The following GPHN variants were observed in gnomAD, a reference collection of about 807,000 sequenced individuals.
The protein encoded by GPHN is gephyrin.
Under a neutral mutation model 95.5 loss-of-function variants are expected in GPHN, and 17 were observed. The ratio of observed to expected loss-of-function variants is 0.18; its 90% CI spans 0.12 to 0.27. GPHN has a LOEUF of 0.27. GPHN is among the 10% of genes least tolerant of loss of function. The pLI is 1.00. For synonymous variants in GPHN, 320 were observed against 322.5 expected, an observed-to-expected ratio of 0.99 and a Z score of 0.08; for missense variants, 660 against 978.1, an observed-to-expected ratio of 0.67 and a Z score of 4.34.
At chr14:66,962,792 G>A (rs1331163632) in intron 8 of GPHN, among the ~76,000 whole-genome samples, 2 of 150,272 alleles carry the variant, frequency 1.3e-5, no homozygotes, top group Non-Finnish European at 3.0e-5. Flanking sequence ...CCATTGCCTT[G>A]ATACTCACCC....
chr14:66,641,070 C>A (rs1446486053), intron 1 of GPHN, among the ~76,000 whole-genome samples: 1 of 152,160 alleles, frequency 6.6e-6, no homozygotes, highest in Non-Finnish European at 1.5e-5. Flanking sequence ...ACTGTCCTAA[C>A]ACTGAAAGGC....
chr14:66,861,176 TA>T (rs1367267221), intron 4 of GPHN, among the ~76,000 whole-genome samples: 2 of 151,360 alleles, frequency 1.3e-5, no homozygotes, highest in Non-Finnish European at 3.0e-5. Context: ...AAACTGAAAA[TA>T]AAAAGATGGA....
At chr14:66,552,983 CTTTTCTTTTCTT>C (rs2059874531) in intron 1 of GPHN, among the ~76,000 whole-genome samples, 1 of 135,792 alleles carries the variant, frequency 7.4e-6, no homozygotes, top group African/African-American at 2.7e-5. Context: ...TTTCTTTTTT[CTTTTCTTTTCTT>C]TTTTCTTTTT....
chr14:67,071,752 A>G (rs2076320358), intron 11 of GPHN, among the ~76,000 whole-genome samples: 1 of 152,084 alleles, frequency 6.6e-6, no homozygotes, highest in Non-Finnish European at 1.5e-5. Flanking sequence ...TATGCATACC[A>G]TTATATATGT....
chr14:67,089,238 ATAACCATGT>A (rs1318684109), intron 12 of GPHN, among the ~76,000 whole-genome samples, 163 bp downstream of exon 12: 1 of 149,060 alleles, frequency 6.7e-6, no homozygotes, highest in Admixed American at 6.8e-5. Flanking sequence ...TCATTCACAG[ATAACCATGT>A]TAATCTGCAC....
chr14:67,492,879 A>T, the GPHN span, among the ~76,000 whole-genome samples: 1 of 152,260 alleles, frequency 6.6e-6, no homozygotes, highest in Non-Finnish European at 1.5e-5. Context: ...CTTGGAGCTC[A>T]CAGGCAGGTG....
At chr14:66,921,901 A>G (rs2066237252) in intron 6 of GPHN, among the ~76,000 whole-genome samples, 1 of 152,178 alleles carries the variant, frequency 6.6e-6, no homozygotes, top group African/African-American at 2.4e-5. Context: ...CCTAGAAATA[A>G]AATCAAAAAC....
the GPHN span, among the ~76,000 whole-genome samples, chr14:67,609,653 C>T: frequency 1.3e-5 from 2 of 152,156 alleles, no homozygotes; most frequent in African/African-American, 4.8e-5. Flanking sequence ...ACAAAACTCA[C>T]CTCCTTAACA....
chr14:67,284,586 A>AAC, the GPHN span, among the ~76,000 whole-genome samples: 16 of 140,502 alleles, frequency 1.1e-4, no homozygotes, highest in African/African-American at 3.5e-4. Context: ...AAAAAAAAAA[A>AAC]AAGGTTGTGC....
At chr14:67,493,326 A>G in the GPHN span, among the ~76,000 whole-genome samples, 1 of 152,156 alleles carries the variant, frequency 6.6e-6, no homozygotes, top group East Asian at 1.9e-4. Context: ...CTTTCCCGCC[A>G]AGTGCCCACC....
intron 18 of GPHN, among the ~76,000 whole-genome samples, chr14:67,148,006 A>G (rs555547085): frequency 6.6e-6 from 1 of 152,274 alleles, no homozygotes; most frequent in African/African-American, 2.4e-5. Flanking sequence ...ATTTTTTCCT[A>G]AATTTTGGTC....
chr14:66,713,642 A>G (rs2069882561), intron 2 of GPHN, among the ~76,000 whole-genome samples: 1 of 151,200 alleles, frequency 6.6e-6, no homozygotes, highest in Non-Finnish European at 1.5e-5. Context: ...TATGAATGTT[A>G]GAATTTTTTT....
intron 10 of GPHN, among the ~76,000 whole-genome samples, chr14:67,040,257 TAAC>T (rs1313367282): frequency 6.6e-6 from 1 of 152,106 alleles, no homozygotes; most frequent in Admixed American, 6.6e-5. Context: ...CCCCAAATGT[TAAC>T]ATTTTGTCAC....
the GPHN span, among the ~76,000 whole-genome samples, chr14:67,400,059 CTA>C: frequency 6.6e-6 from 1 of 152,144 alleles, no homozygotes; most frequent in African/African-American, 2.4e-5. Flanking sequence ...ATCTCTGGTG[CTA>C]TGATTCTATT....
chr14:66,825,647 A>G (rs2061361634), intron 4 of GPHN, among the ~76,000 whole-genome samples: 1 of 152,204 alleles, frequency 6.6e-6, no homozygotes, highest in African/African-American at 2.4e-5. Context: ...CTATATGAAA[A>G]TGCAATTTTA....
chr14:67,461,044 T>C, the GPHN span, among the ~76,000 whole-genome samples: 11 of 152,336 alleles, frequency 7.2e-5, no homozygotes, highest in East Asian at 2.1e-3. Context: ...TTATAAATAG[T>C]ACAGGCTAAA....
chr14:66,633,257 AC>A (rs1283834643), intron 1 of GPHN, among the ~76,000 whole-genome samples: 4 of 128,670 alleles, frequency 3.1e-5, no homozygotes, highest in African/African-American at 1.7e-4. Context: ...CTATGTATGT[AC>A]TTCAATTTCT....
chr14:67,667,387 C>G, the GPHN span, among the ~76,000 whole-genome samples: 3 of 152,128 alleles, frequency 2.0e-5, no homozygotes, highest in African/African-American at 7.2e-5. Flanking sequence ...TACACCGTGA[C>G]AGCTGACTAG....
At chr14:67,049,789 G>C (rs1168264545) in intron 10 of GPHN, among the ~76,000 whole-genome samples, 2 of 152,204 alleles carry the variant, frequency 1.3e-5, no homozygotes, top group Non-Finnish European at 2.9e-5. Context: ...GGGATTACAG[G>C]CGTGAGCCAC....
Sources: gnomAD v4.1 joint callset for allele counts (sites outside exome capture counted in the v4.1 genomes callset) on GRCh38, gnomAD v4.1.1 for gene constraint, MANE v1.5 for transcripts, NCBI Gene and HGNC (gene_info 2026-07-23, HGNC 2026-07-21) for gene names.